Variants in GPC5 observed in about 807,000 individuals in gnomAD.
GPC5 encodes the protein glypican 5, also known as glypican-5.
In GPC5, 47 loss-of-function variants were observed where a neutral mutation model predicts 53.9. That is an observed-to-expected ratio of 0.87 (90% CI 0.69 to 1.11). GPC5 has a LOEUF of 1.11. GPC5 is among the 50% of genes most tolerant of loss of function. The pLI, the probability that GPC5 is intolerant of heterozygous loss-of-function variation, is 0.00. For synonymous variants in GPC5, 286 were observed against 263.3 expected (o/e 1.09, Z -0.84); for missense variants, 748 against 713.1 (o/e 1.05, Z -0.56).
intron 7 of GPC5, among the ~76,000 whole-genome samples, chr13:92,324,344 C>T (rs891991850): frequency 1.3e-5 from 2 of 151,736 alleles, no homozygotes; most frequent in Non-Finnish European, 2.9e-5. Flanking sequence ...ATGTTAACCC[C>T]CAAATGGTGG....
intron 6 of GPC5, among the ~76,000 whole-genome samples, chr13:92,020,701 T>G (rs1299262372): frequency 6.9e-6 from 1 of 144,800 alleles, no homozygotes; most frequent in African/African-American, 2.5e-5. Context: ...TTTTTTTTAC[T>G]ATTATGAACT....
In GPC5 at chr13:92,734,601, G is replaced by A. The variant is rs148450514; in HGVS notation, c.1562-131681G>A. ...TTTCAAAGAAATCTGTATCACTTCAGTTATATGCAATGAAGTTATTCCCCA... is the reference window on the plus strand; with the variant it reads ...TTTCAAAGAAATCTGTATCACTTCAATTATATGCAATGAAGTTATTCCCCA... On this transcript the variant is annotated intron_variant, in intron 7 of 7. Coordinates refer to ENST00000377067, the MANE Select transcript of GPC5 (RefSeq NM_004466.6). Among the ~76,000 whole-genome samples the A allele has an allele frequency of 6.0e-3, 917 of 151,928 alleles. 12 individuals are homozygous for A. Among genetic ancestry groups the A allele is most frequent in the African/African-American group, 0.021 (876 of 41,498 alleles).
intron 2 of GPC5, among the ~76,000 whole-genome samples, chr13:91,571,655 G>T (rs1016053411): frequency 2.0e-5 from 3 of 151,450 alleles, no homozygotes; most frequent in Non-Finnish European, 4.4e-5. Flanking sequence ...AGCCCAGGAG[G>T]TGGAAATTGC....
chr13:92,495,637 T>C (rs9556186), intron 7 of GPC5, among the ~76,000 whole-genome samples: 95,403 of 150,378 alleles, frequency 0.63, 30,446 homozygotes, highest in East Asian at 0.75. Context: ...TTTTTTTTTT[T>C]TTTTTCCCAC....
Position 92,818,075 on chromosome 13 carries a change from C to T in GPC5, c.1562-48207C>T, listed in dbSNP as rs138093624. On this transcript the variant is annotated intron_variant, in intron 7 of 7. Transcript: ENST00000377067. The stretch of plus-strand genomic sequence containing the variant: ...TCACCTAGGCTGGAGTGCAGTGGCG[C>T]GATCGCGGCTCACTGCAGCCTCTGC... 8.9e-4 allele frequency among the ~76,000 whole-genome samples: 133 copies of T among 149,474 alleles called. 1 individual carries two copies. Among genetic ancestry groups the T allele is most frequent in the Middle Eastern group, 3.5e-3 (1 of 284 alleles).
intron 6 of GPC5, among the ~76,000 whole-genome samples, chr13:91,932,720 A>T (rs546847352): frequency 6.6e-6 from 1 of 151,922 alleles, no homozygotes; most frequent in Non-Finnish European, 1.5e-5. Context: ...ATTTTCTCGT[A>T]TCAGAGTCAT....
intron 6 of GPC5, among the ~76,000 whole-genome samples, chr13:92,102,123 AC>A (rs1274896939): frequency 6.6e-6 from 1 of 152,210 alleles, no homozygotes; most frequent in African/African-American, 2.4e-5. Context: ...AAGAAAACAA[AC>A]AGTATAATTG....
intron 7 of GPC5, among the ~76,000 whole-genome samples, chr13:92,580,951 G>C (rs1344823951): frequency 6.6e-6 from 1 of 151,818 alleles, no homozygotes. Context: ...TTTTTTAATT[G>C]ACAAGTAAAA....
intron 7 of GPC5, among the ~76,000 whole-genome samples, chr13:92,855,070 C>T (rs1878952298): frequency 6.6e-6 from 1 of 151,790 alleles, no homozygotes; most frequent in Non-Finnish European, 1.5e-5. Flanking sequence ...GACTAATGGG[C>T]ATATTTTGCT....
At chr13:91,583,283 C>A (rs1205633832) in intron 2 of GPC5, among the ~76,000 whole-genome samples, 1 of 152,044 alleles carries the variant, frequency 6.6e-6, no homozygotes, top group Non-Finnish European at 1.5e-5. Context: ...TATTCACTGA[C>A]AATATGTTTA....
In GPC5 at chr13:92,840,084, T is replaced by C. The variant is rs1205204437; in HGVS notation, c.1562-26198T>C. Among the ~76,000 whole-genome samples, 20 of 25,322 alleles carry C rather than the reference T, an allele frequency of 7.9e-4. No homozygotes were observed. The South Asian group carries it at 0.01, about 13-fold the overall frequency. The allele number at this position is 25,322 out of a possible 152,430, so 16.6% of individuals were successfully genotyped here. On this transcript the variant is annotated intron_variant, in intron 7 of 7. Coordinates refer to ENST00000377067, the MANE Select transcript of GPC5 (RefSeq NM_004466.6). Reference sequence around the variant, plus strand: ...TATTCTTCATATATACATACATATATATATATATATATATATATATATATA... The same window carrying C: ...TATTCTTCATATATACATACATATACATATATATATATATATATATATATA...
intron 6 of GPC5, among the ~76,000 whole-genome samples, chr13:92,021,320 C>T (rs148235744): frequency 2.0e-5 from 3 of 152,264 alleles, no homozygotes; most frequent in African/African-American, 4.8e-5. Flanking sequence ...TTCTACAATA[C>T]GTGACAGCAT....
At chr13:91,747,075 G>T (rs1207725718) in intron 4 of GPC5, among the ~76,000 whole-genome samples, 2 of 152,200 alleles carry the variant, frequency 1.3e-5, no homozygotes, top group African/African-American at 4.8e-5. Flanking sequence ...GGGATGGAAA[G>T]ACTATGGAAG....
intron 6 of GPC5, among the ~76,000 whole-genome samples, chr13:91,951,359 ATATG>A (rs2040024289): frequency 6.6e-6 from 1 of 152,154 alleles, no homozygotes. Context: ...GTGTGTGAAT[ATATG>A]TATTATGTAT....
chr13:92,546,795 G>T (rs947352991), intron 7 of GPC5, among the ~76,000 whole-genome samples: 6 of 152,162 alleles, frequency 3.9e-5, no homozygotes, highest in Admixed American at 1.3e-4. Flanking sequence ...AACCAAAACA[G>T]CATGGTACTG....
intron 3 of GPC5, among the ~76,000 whole-genome samples, chr13:91,722,802 T>C (rs1594480197): frequency 2.0e-5 from 3 of 152,212 alleles, no homozygotes; most frequent in Non-Finnish European, 1.5e-5. Flanking sequence ...AGCATAAACA[T>C]ACCTCTAATT....
At chr13:92,558,013 G>T (rs1224763480) in intron 7 of GPC5, among the ~76,000 whole-genome samples, 1 of 151,926 alleles carries the variant, frequency 6.6e-6, no homozygotes, top group Non-Finnish European at 1.5e-5. Context: ...AAAGACTTTG[G>T]AGTTCATGAG....
At chr13:91,891,558 G>A (rs2138969364) in intron 5 of GPC5, among the ~76,000 whole-genome samples, 1 of 152,188 alleles carries the variant, frequency 6.6e-6, no homozygotes, top group East Asian at 1.9e-4. Flanking sequence ...TGCATTTGGG[G>A]GGATCAAGTA....
At chr13:92,548,038 A>C (rs1882186799) in intron 7 of GPC5, among the ~76,000 whole-genome samples, 2 of 145,392 alleles carry the variant, frequency 1.4e-5, no homozygotes, top group African/African-American at 2.5e-5. Flanking sequence ...ACGGGGTTTC[A>C]CCGTGTTAGC....
Sources: gnomAD v4.1 joint callset for allele counts (sites outside exome capture counted in the v4.1 genomes callset) on GRCh38, gnomAD v4.1.1 for gene constraint, MANE v1.5 for transcripts, NCBI Gene and HGNC (gene_info 2026-07-23, HGNC 2026-07-21) for gene names.